The following NAALADL2 variants were observed in gnomAD, a reference collection of about 807,000 sequenced individuals.
The protein encoded by NAALADL2 is inactive N-acetylated-alpha-linked acidic dipeptidase-like protein 2.
Under a neutral mutation model 87.2 loss-of-function variants are expected in NAALADL2, and 76 were observed. The ratio of observed to expected loss-of-function variants is 0.87; its 90% confidence interval spans 0.72 to 1.05. The LOEUF (loss-of-function observed/expected upper bound fraction) is 1.05. Ranked by LOEUF, NAALADL2 falls within the 50% of genes least tolerant of loss-of-function variation. The pLI, the probability that NAALADL2 is intolerant of heterozygous loss-of-function variation, is 0.00. For missense variants in NAALADL2, 1,089 were observed against 945.8 expected, an observed-to-expected ratio of 1.15 and a Z score of -1.99; for synonymous variants, 354 against 331.0, an observed-to-expected ratio of 1.07 and a Z score of -0.75.
At chr3:175,528,116 T>G (rs1733656831) in intron 9 of NAALADL2, among the ~76,000 whole-genome samples, 1 of 152,082 alleles carries the variant, frequency 6.6e-6, no homozygotes, top group Non-Finnish European at 1.5e-5. Context: ...TGAATTAAAT[T>G]ATTTGGTGTA....
At chr3:174,940,700 T>A (rs1361395791) in intron 1 of NAALADL2, among the ~76,000 whole-genome samples, 1 of 152,118 alleles carries the variant, frequency 6.6e-6, no homozygotes, top group Non-Finnish European at 1.5e-5. Context: ...GAGCTCATTA[T>A]CGGTCTGATC....
chr3:175,194,335 G>T lies in NAALADL2; in HGVS notation c.546-39596G>T, dbSNP rs1165828439. On this transcript the variant is annotated intron_variant, in intron 2 of 13. Coordinates refer to ENST00000454872, the MANE Select transcript of NAALADL2 (RefSeq NM_207015.3). ...ATTTGACAGAAACTAAAACAGAGATGAATCATAGTTTCAAGCTGTTGCTCA... is the reference window on the plus strand; with the variant it reads ...ATTTGACAGAAACTAAAACAGAGATTAATCATAGTTTCAAGCTGTTGCTCA... Among the ~76,000 whole-genome samples, 7 of 151,858 alleles carry T rather than the reference G, an allele frequency of 4.6e-5. No homozygotes were observed. In the East Asian group the frequency reaches 1.4e-3, roughly 29 times the overall value.
intron 1 of NAALADL2, among the ~76,000 whole-genome samples, chr3:174,955,405 T>C (rs1208444355): frequency 6.6e-6 from 1 of 152,148 alleles, no homozygotes; most frequent in South Asian, 2.1e-4. Context: ...AATACCTGTT[T>C]GGATATTCTC....
intron 1 of NAALADL2, among the ~76,000 whole-genome samples, chr3:175,002,466 C>T (rs977798908): frequency 2.0e-5 from 3 of 152,014 alleles, no homozygotes; most frequent in East Asian, 3.9e-4. Context: ...ATGAAGATCT[C>T]GATCGTGTAT....
chr3:175,736,332 A>G (rs1744501446), intron 11 of NAALADL2, among the ~76,000 whole-genome samples: 2 of 152,350 alleles, frequency 1.3e-5, no homozygotes, highest in South Asian at 4.1e-4. Context: ...AGATGTATTA[A>G]TACTATTAGT....
intron 2 of NAALADL2, among the ~76,000 whole-genome samples, chr3:174,669,097 G>T (rs992793733): frequency 6.6e-6 from 1 of 152,172 alleles, no homozygotes; most frequent in African/African-American, 2.4e-5. Context: ...TCCTGACTTT[G>T]TAATGATTGC....
chr3:175,136,287 G>T (rs188829649), intron 2 of NAALADL2, among the ~76,000 whole-genome samples: 136 of 152,280 alleles, frequency 8.9e-4, no homozygotes, highest in African/African-American at 3.1e-3. Context: ...GTTGACTTGA[G>T]GGAGGCAGGA....
chr3:175,734,360 C>A (rs1377792255), intron 11 of NAALADL2, among the ~76,000 whole-genome samples: 1 of 151,812 alleles, frequency 6.6e-6, no homozygotes, highest in African/African-American at 2.4e-5. Context: ...CAAGACCATC[C>A]TGACTAACAT....
chr3:174,860,394 G>C (rs1166354375), intron 1 of NAALADL2, among the ~76,000 whole-genome samples: 2 of 151,734 alleles, frequency 1.3e-5, no homozygotes, highest in South Asian at 2.1e-4. Context: ...TAATTTAAAA[G>C]ATTAATTTCA....
chr3:175,556,549 C>T (rs1281460176), intron 9 of NAALADL2, among the ~76,000 whole-genome samples: 1 of 151,972 alleles, frequency 6.6e-6, no homozygotes, highest in African/African-American at 2.4e-5. Context: ...ATGGGAGTTG[C>T]ACTCCAGGTG....
intron 2 of NAALADL2, among the ~76,000 whole-genome samples, chr3:174,601,822 A>G (rs1204699462): frequency 6.6e-6 from 1 of 152,158 alleles, no homozygotes; most frequent in Admixed American, 6.5e-5. Context: ...TGATTTTTGT[A>G]TATGGCAAGA....
intron 13 of NAALADL2, among the ~76,000 whole-genome samples, chr3:175,786,932 A>G (rs911380155): frequency 1.3e-5 from 2 of 152,046 alleles, no homozygotes; most frequent in African/African-American, 4.8e-5. Context: ...CTTCTAACAG[A>G]CAGGACCCTC....
chr3:175,051,813 G>A (rs1560517390), intron 1 of NAALADL2, among the ~76,000 whole-genome samples: 2 of 152,288 alleles, frequency 1.3e-5, no homozygotes, highest in South Asian at 2.1e-4. Context: ...AAGCGTGACT[G>A]TGGCTTTCCC....
In NAALADL2 at chr3:175,018,149, G is replaced by A. The variant is rs541088238; in HGVS notation, c.44-78641G>A. ...TCTTTTAGTAGCAATATTTCCATTTGCAGTAAAGATGTACAGGGATGACTC... is the reference window on the plus strand; with the variant it reads ...TCTTTTAGTAGCAATATTTCCATTTACAGTAAAGATGTACAGGGATGACTC... On this transcript the variant is annotated intron_variant, in intron 1 of 13. Transcript: ENST00000454872. Among the ~76,000 whole-genome samples, 49 of 152,164 alleles carry A rather than the reference G, an allele frequency of 3.2e-4. No homozygotes were observed. In the East Asian group the frequency reaches 5.8e-3, roughly 18 times the overall value.
At chr3:174,839,623 A>G (rs1344604909) in intron 3 of NAALADL2, among the ~76,000 whole-genome samples, 1 of 152,170 alleles carries the variant, frequency 6.6e-6, no homozygotes, top group Non-Finnish European at 1.5e-5. Flanking sequence ...TCCAGAATCT[A>G]TAACTAACTC....
intron 11 of NAALADL2, among the ~76,000 whole-genome samples, chr3:175,667,241 A>AAAGAAAGAAAG (rs1733285649): frequency 1.1e-5 from 1 of 91,716 alleles, no homozygotes; most frequent in Non-Finnish European, 2.2e-5. Context: ...GAAAGAAAGA[A>AAAGAAAGAAAG]AAAGAAAGAA....
At chr3:175,349,207 T>TAAAAA (rs577690261) in intron 5 of NAALADL2, among the ~76,000 whole-genome samples, 12 of 136,072 alleles carry the variant, frequency 8.8e-5, no homozygotes, top group African/African-American at 1.6e-4. Context: ...CAACTGCTAT[T>TAAAAA]AAAAAAAAAA....
At chr3:175,502,508 G>T (rs956070079) in intron 9 of NAALADL2, among the ~76,000 whole-genome samples, 2 of 152,174 alleles carry the variant, frequency 1.3e-5, no homozygotes, top group South Asian at 4.1e-4. Context: ...GGCTCTTCTT[G>T]CTTGAGCCTG....
chr3:175,737,724 T>TG (rs905620092), intron 12 of NAALADL2, among the ~76,000 whole-genome samples: 1 of 140,002 alleles, frequency 7.1e-6, no homozygotes, highest in African/African-American at 2.7e-5. Flanking sequence ...GTTTTTTTTT[T>TG]TTTTTTTTTT....
Sources: allele counts gnomAD v4.1 joint callset (sites outside exome capture counted in the v4.1 genomes callset), GRCh38; gene constraint gnomAD v4.1.1; transcripts MANE v1.5; gene names NCBI Gene and HGNC (gene_info 2026-07-23, HGNC 2026-07-21).